The following MCTP1 variants were observed in gnomAD, a reference collection of about 807,000 sequenced individuals.
The protein encoded by MCTP1 is multiple C2 and transmembrane domain-containing protein 1.
A neutral mutation model predicts 120.6 loss-of-function variants in MCTP1; 69 were observed. The ratio of observed to expected loss-of-function variants is 0.57; its 90% CI spans 0.47 to 0.70. The LOEUF (loss-of-function observed/expected upper bound fraction) is 0.70. Ranked by LOEUF, MCTP1 falls within the 30% of genes least tolerant of loss-of-function variation. The pLI, the probability that MCTP1 is intolerant of heterozygous loss-of-function variation, is 0.00. For missense variants in MCTP1, 1,203 were observed against 1,248.8 expected (o/e 0.96, Z 0.55); for synonymous variants, 529 against 493.1 (o/e 1.07, Z -0.96).
At chr5:94,891,350 G>C (rs763748276) in intron 11 of MCTP1, among the ~76,000 whole-genome samples, 5 of 152,126 alleles carry the variant, frequency 3.3e-5, no homozygotes, top group Non-Finnish European at 7.3e-5. Context: ...GAGGTTTGTG[G>C]GCACGTTGTG....
chr5:94,741,881 C>T (rs191523367), intron 19 of MCTP1, among the ~76,000 whole-genome samples: 2 of 152,280 alleles, frequency 1.3e-5, no homozygotes, highest in East Asian at 1.9e-4. Flanking sequence ...CCTCAGTTTC[C>T]TCAGATGTGA....
At chr5:94,983,742 T>C (rs898774921) in intron 2 of MCTP1, among the ~76,000 whole-genome samples, 12 of 152,170 alleles carry the variant, frequency 7.9e-5, no homozygotes, top group African/African-American at 2.9e-4. Context: ...TGCAAAACCA[T>C]ACATGGCTGG....
intron 12 of MCTP1, among the ~76,000 whole-genome samples, chr5:94,885,301 GAA>G (rs1218534202): frequency 8.6e-6 from 1 of 116,752 alleles, no homozygotes; most frequent in Non-Finnish European, 1.8e-5. Context: ...TAGGAGCTCA[GAA>G]AAAAAAAAAA....
At chr5:94,787,612 G>GTT (rs139521996) in intron 18 of MCTP1, among the ~76,000 whole-genome samples, 3 of 144,162 alleles carry the variant, frequency 2.1e-5, no homozygotes, top group Non-Finnish European at 3.0e-5. Flanking sequence ...AGCACTTACT[G>GTT]TTTTTTTTTG....
chr5:95,001,046 A>G lies in MCTP1; in HGVS notation c.838+16321T>C, dbSNP rs559587930. 3.7e-4 allele frequency among the ~76,000 whole-genome samples: 57 copies of G among 152,302 alleles called. 1 individual carries two copies. In the South Asian group the frequency reaches 0.012, roughly 31 times the overall value. ...CCTCCATGCTGTTCTCACGATAGTGAGTGAGTTCTCACCACACCTGATGGT... is the reference window on the plus strand; with the variant it reads ...CCTCCATGCTGTTCTCACGATAGTGGGTGAGTTCTCACCACACCTGATGGT... On this transcript the variant is annotated intron_variant, in intron 2 of 22. Coordinates refer to ENST00000515393, the MANE Select transcript of MCTP1 (RefSeq NM_024717.7).
At chr5:94,968,041 C>T (rs925560759) in intron 2 of MCTP1, among the ~76,000 whole-genome samples, 9 of 152,128 alleles carry the variant, frequency 5.9e-5, no homozygotes, top group African/African-American at 2.2e-4. Context: ...CTTAATATTT[C>T]AAGACCCTCA....
chr5:95,039,568 A>T (rs1013736550), intron 1 of MCTP1, among the ~76,000 whole-genome samples: 3 of 152,198 alleles, frequency 2.0e-5, no homozygotes, highest in Non-Finnish European at 2.9e-5. Flanking sequence ...GTGAGATTTA[A>T]AATTCTAAAA....
At position 95,123,718 on chromosome 5, in the gene MCTP1, C is replaced by A. The variant is rs548372957; in HGVS notation, c.721-106234G>T. Among the ~76,000 whole-genome samples, 238 of 151,118 alleles carry A rather than the reference C, an allele frequency of 1.6e-3. 1 individual carries two copies. Among genetic ancestry groups the A allele is most frequent in the African/African-American group, 5.2e-3 (213 of 41,016 alleles). Reference sequence around the variant, plus strand: ...AGGCTGGAGTGCAGTGGCACGATCTCGGCTCACTGCAAGCTCTGCCTCCCG... The same window carrying A: ...AGGCTGGAGTGCAGTGGCACGATCTAGGCTCACTGCAAGCTCTGCCTCCCG... On this transcript the variant is annotated intron_variant, in intron 1 of 22. Transcript: ENST00000515393.
At chr5:94,826,431 C>A in intron 17 of MCTP1, 1 of 666,672 alleles carries the variant, frequency 1.5e-6, no homozygotes, top group Non-Finnish European at 2.8e-6. Flanking sequence ...TGACAAATGC[C>A]AATTTGGGTT....
At chr5:95,017,278 T>C in intron 2 of MCTP1, 89 bp downstream of exon 2, 3 of 677,566 alleles carry the variant, frequency 4.4e-6, no homozygotes, top group Non-Finnish European at 7.2e-6. Flanking sequence ...TCTAGTTAAT[T>C]TTTTATAACT....
intron 1 of MCTP1, among the ~76,000 whole-genome samples, chr5:95,058,475 C>A (rs1001265331): frequency 2.2e-4 from 34 of 152,186 alleles, no homozygotes; most frequent in Non-Finnish European, 3.1e-4. Flanking sequence ...CGACCTTTGG[C>A]AACTCAATCT....
intron 2 of MCTP1, among the ~76,000 whole-genome samples, chr5:94,984,645 A>G (rs1160229415): frequency 6.6e-6 from 1 of 152,194 alleles, no homozygotes; most frequent in Non-Finnish European, 1.5e-5. Flanking sequence ...ACAAAAAAGT[A>G]AAACAATGGA....
intron 8 of MCTP1, among the ~76,000 whole-genome samples, 159 bp downstream of exon 8, chr5:94,917,737 T>C (rs1810451932): frequency 1.3e-5 from 2 of 152,200 alleles, no homozygotes; most frequent in Admixed American, 6.5e-5. Context: ...AAGTGTTAGT[T>C]ACATTATTCC....
At chr5:94,988,908 T>A (rs1249325286) in intron 2 of MCTP1, among the ~76,000 whole-genome samples, 1 of 151,914 alleles carries the variant, frequency 6.6e-6, no homozygotes, top group Non-Finnish European at 1.5e-5. Flanking sequence ...TCTAAAACTA[T>A]CAGATCTTGC....
At chr5:94,796,156 C>T (rs899813947) in intron 18 of MCTP1, among the ~76,000 whole-genome samples, 5 of 152,144 alleles carry the variant, frequency 3.3e-5, no homozygotes, top group African/African-American at 7.2e-5. Context: ...TCGTATGTCA[C>T]GGAAATTTTG....
intron 1 of MCTP1, among the ~76,000 whole-genome samples, chr5:95,063,695 C>T (rs576406488): frequency 6.6e-6 from 1 of 152,276 alleles, no homozygotes; most frequent in South Asian, 2.1e-4. Flanking sequence ...TCCCTGGATG[C>T]GAGAGATCCT....
chr5:95,107,461 TA>T (rs1228094090), intron 1 of MCTP1, among the ~76,000 whole-genome samples: 2 of 152,356 alleles, frequency 1.3e-5, no homozygotes, highest in East Asian at 3.9e-4. Context: ...CATTTTATTA[TA>T]AAAGTTTTTT....
rs572450068 is a variant in MCTP1 at position 95,027,515 on chromosome 5, C to G, written c.721-10031G>C. On this transcript the variant is annotated intron_variant, in intron 1 of 22. Coordinates refer to ENST00000515393, the MANE Select transcript of MCTP1 (RefSeq NM_024717.7). ...GAGGCCAGAAGGCCACGTGTAACCT[C>G]AAGTCAGGAAACAGATGCTATAATT... is the stretch of plus-strand genomic sequence containing the variant. 6.6e-5 allele frequency among the ~76,000 whole-genome samples: 10 copies of G among 152,298 alleles called. No individual in the cohort carries two copies. The East Asian group carries it at 1.9e-3, about 29-fold the overall frequency.
At chr5:95,231,384 T>C (rs1754924288) in intron 1 of MCTP1, among the ~76,000 whole-genome samples, 1 of 152,006 alleles carries the variant, frequency 6.6e-6, no homozygotes, top group African/African-American at 2.4e-5. Flanking sequence ...CTCAACAAAC[T>C]GGGGTAACAG....
Sources: gnomAD v4.1 joint callset for allele counts (sites outside exome capture counted in the v4.1 genomes callset) on GRCh38, gnomAD v4.1.1 for gene constraint, MANE v1.5 for transcripts, NCBI Gene and HGNC (gene_info 2026-07-23, HGNC 2026-07-21) for gene names.